Variants in STOX2 observed in about 807,000 individuals in gnomAD.
STOX2 encodes the protein storkhead-box protein 2.
A neutral mutation model predicts 60.9 loss-of-function variants in STOX2; 28 were observed. The observed-to-expected ratio is 0.46, with a 90% CI of 0.34 to 0.63. The LOEUF is 0.63. Ranked by LOEUF, STOX2 falls within the 30% of genes least tolerant of loss-of-function variation. The pLI, the probability that STOX2 is intolerant of heterozygous loss-of-function variation, is 0.01. For missense variants in STOX2, 1,024 were observed against 1,187.7 expected, an observed-to-expected ratio of 0.86 and a Z score of 2.03; for synonymous variants, 472 against 463.9, an observed-to-expected ratio of 1.02 and a Z score of -0.22.
chr4:183,973,147 C>A (rs1743792038), intron 1 of STOX2, among the ~76,000 whole-genome samples: 1 of 152,018 alleles, frequency 6.6e-6, no homozygotes, highest in African/African-American at 2.4e-5. Context: ...ATCAAAGTTC[C>A]TAAAAGAGTG....
At chr4:183,969,365 A>G (rs779774834) in intron 1 of STOX2, among the ~76,000 whole-genome samples, 1 of 152,218 alleles carries the variant, frequency 6.6e-6, no homozygotes, top group Non-Finnish European at 1.5e-5. Flanking sequence ...CAAATTTAGA[A>G]TTAATTTATA....
At chr4:183,939,424 T>G (rs1345306218) in intron 1 of STOX2, among the ~76,000 whole-genome samples, 3 of 152,222 alleles carry the variant, frequency 2.0e-5, no homozygotes, top group African/African-American at 7.2e-5. Flanking sequence ...CACCTGTTGT[T>G]GGATTGAGGG....
In STOX2 at chr4:183,825,873, G is replaced by T. The variant is rs866550271; in HGVS notation, c.364+27818G>T. On this transcript the variant is annotated intron_variant, in intron 1 of 2. Coordinates refer to the STOX2 transcript ENST00000513034. This position sits in a 1 kb window ranked among gnomAD's most constrained non-coding sequence, Gnocchi z 4.1. ...GAAGTTTAGTCTGGGAACGAGTATG[G>T]CAGTCAGTTTGGCAAATGATGGGGA... Among the ~76,000 whole-genome samples, 13 of 152,152 alleles carry T rather than the reference G, an allele frequency of 8.5e-5. No homozygotes were observed. Among genetic ancestry groups the T allele is most frequent in the African/African-American group, 2.9e-4 (12 of 41,422 alleles).
At chr4:183,955,759 GT>G (rs796429215) in intron 1 of STOX2, among the ~76,000 whole-genome samples, 2,412 of 148,688 alleles carry the variant, frequency 0.016, 54 homozygotes, top group Middle Eastern at 0.043. Flanking sequence ...CTTCTTTAAA[GT>G]TTTTTTTTTT....
intron 2 of STOX2, among the ~76,000 whole-genome samples, chr4:184,005,383 C>G (rs200426594): frequency 4.0e-5 from 6 of 149,914 alleles, no homozygotes; most frequent in Non-Finnish European, 5.9e-5. Flanking sequence ...CACTTGAACC[C>G]GGAGGTGGAG....
At chr4:183,983,554 T>C (rs1224633953) in intron 1 of STOX2, among the ~76,000 whole-genome samples, 1 of 152,194 alleles carries the variant, frequency 6.6e-6, no homozygotes, top group Admixed American at 6.5e-5. Context: ...ACTTCTGAGT[T>C]GTGATAGGAG....
intron 1 of STOX2, among the ~76,000 whole-genome samples, chr4:183,963,871 G>T (rs1245390654): frequency 6.6e-6 from 1 of 151,288 alleles, no homozygotes. Context: ...CGCCTCCCGG[G>T]TTCATGCCAT....
intron 1 of STOX2, among the ~76,000 whole-genome samples, chr4:183,956,471 T>A (rs1295197087): frequency 1.6e-4 from 24 of 151,852 alleles, no homozygotes; most frequent in Admixed American, 1.4e-3. Context: ...TCTATCTATC[T>A]ATCTATCTAT....
At chr4:183,973,573 G>A (rs1455016192) in intron 1 of STOX2, among the ~76,000 whole-genome samples, 2 of 152,192 alleles carry the variant, frequency 1.3e-5, no homozygotes, top group Admixed American at 6.5e-5. Context: ...ACTGCCAGAA[G>A]ACTTGCTCTA....
At chr4:183,810,717 C>T (rs1415482127) in intron 1 of STOX2, among the ~76,000 whole-genome samples, 2 of 151,838 alleles carry the variant, frequency 1.3e-5, no homozygotes, top group African/African-American at 2.4e-5. Context: ...CCTGCACCCT[C>T]ACCCCCACCC....
intron 1 of STOX2, among the ~76,000 whole-genome samples, chr4:183,954,540 G>T (rs1436725788): frequency 1.3e-5 from 2 of 151,648 alleles, no homozygotes; most frequent in African/African-American, 2.4e-5. Flanking sequence ...CACCCTCCTC[G>T]GCCTCCCAAA....
At chr4:183,927,158 T>C (rs1190640454) in intron 1 of STOX2, among the ~76,000 whole-genome samples, 2 of 152,238 alleles carry the variant, frequency 1.3e-5, no homozygotes, top group African/African-American at 4.8e-5. Flanking sequence ...GTTGGTTTTC[T>C]GAAAGCAGAG....
chr4:183,876,486 T>C (rs1262558547), intron 1 of STOX2, among the ~76,000 whole-genome samples: 1 of 152,202 alleles, frequency 6.6e-6, no homozygotes, highest in Non-Finnish European at 1.5e-5. Context: ...ATGGTATTAA[T>C]AACCAGACAT....
rs1190867222 is a variant in STOX2 at position 184,023,297 on chromosome 4, A to G, written c.*6013A>G. 1 of 152,208 alleles carries G rather than the reference A, an allele frequency of 6.6e-6. No individual in the cohort carries two copies. Among genetic ancestry groups the G allele is most frequent in the East Asian group, 1.9e-4 (1 of 5,196 alleles). The allele number at this position is 152,208 out of a possible 1,614,324, so 9.4% of individuals were successfully genotyped here. On this transcript the variant is annotated 3_prime_UTR_variant, in exon 4 of 4. Transcript: ENST00000308497. ...TAATGTTACTGATTTATAACAGCAC[A>G]TTTGTAACATGGTTTTTATCGTGTC...
chr4:183,813,713 G>A (rs969615181), intron 1 of STOX2, among the ~76,000 whole-genome samples: 2 of 152,170 alleles, frequency 1.3e-5, no homozygotes, highest in Admixed American at 1.3e-4. Flanking sequence ...TCTATGTAAT[G>A]TGGATCTATA....
chr4:183,955,337 T>G (rs1743215813), intron 1 of STOX2, among the ~76,000 whole-genome samples: 1 of 152,238 alleles, frequency 6.6e-6, no homozygotes, highest in South Asian at 2.1e-4. Flanking sequence ...TCGTTTTGTC[T>G]GCAGTTAATG....
chr4:184,008,210 T>C (rs1733960689), intron 2 of STOX2, among the ~76,000 whole-genome samples: 1 of 152,200 alleles, frequency 6.6e-6, no homozygotes, highest in Non-Finnish European at 1.5e-5. Context: ...CATTGAGAAA[T>C]GGAGAATACC....
intron 1 of STOX2, among the ~76,000 whole-genome samples, chr4:183,958,653 A>T (rs915898023): frequency 3.9e-4 from 60 of 152,322 alleles, no homozygotes; most frequent in African/African-American, 1.4e-3. Flanking sequence ...TGTTTAACTG[A>T]AAAGCCCATC....
chr4:183,951,777 C>CA (rs1364455467), intron 1 of STOX2, among the ~76,000 whole-genome samples: 1 of 151,764 alleles, frequency 6.6e-6, no homozygotes, highest in Admixed American at 6.6e-5. Context: ...CGTCTCTACT[C>CA]AAAAAATACA....
Sources: gnomAD v4.1 joint callset for allele counts (sites outside exome capture counted in the v4.1 genomes callset) on GRCh38, gnomAD v4.1.1 for gene constraint, Gnocchi (gnomAD v3.1) non-coding constraint, MANE v1.5 for transcripts, NCBI Gene and HGNC (gene_info 2026-07-23, HGNC 2026-07-21) for gene names.